TMCC1: variants seen among roughly 807,000 people sequenced by gnomAD.
TMCC1 encodes the protein transmembrane and coiled-coil domains protein 1.
Under a neutral mutation model 52.4 loss-of-function variants are expected in TMCC1, and 15 were observed. The observed-to-expected ratio is 0.29, with a 90% CI of 0.19 to 0.44. The LOEUF (loss-of-function observed/expected upper bound fraction) is 0.44. Ranked by LOEUF, TMCC1 falls within the 20% of genes least tolerant of loss-of-function variation. TMCC1 has a pLI of 1.00. For missense variants in TMCC1, 503 were observed against 806.0 expected (o/e 0.62, Z 4.55); for synonymous variants, 279 against 301.9 (o/e 0.92, Z 0.79).
At chr3:129,763,638 C>G (rs2053841235) in intron 4 of TMCC1, among the ~76,000 whole-genome samples, 1 of 150,116 alleles carries the variant, frequency 6.7e-6, no homozygotes. Flanking sequence ...TTAATAAAAG[C>G]CAGATACTGT....
At chr3:129,772,812 A>G (rs1205545787) in intron 4 of TMCC1, among the ~76,000 whole-genome samples, 1 of 152,140 alleles carries the variant, frequency 6.6e-6, no homozygotes, top group Non-Finnish European at 1.5e-5. Flanking sequence ...GCTCACAATA[A>G]GAGAGATATA....
chr3:129,858,313 AG>A (rs1316241450), intron 2 of TMCC1, among the ~76,000 whole-genome samples: 2 of 152,248 alleles, frequency 1.3e-5, no homozygotes, highest in African/African-American at 4.8e-5. Flanking sequence ...CGAAAAAATT[AG>A]AATCAGTCAC....
chr3:129,827,619 A>G, intron 4 of TMCC1, 184 bp downstream of exon 4: 1 of 653,378 alleles, frequency 1.5e-6, no homozygotes, highest in Non-Finnish European at 2.6e-6. Context: ...AAATAGGAAT[A>G]TAATTCTAAG....
chr3:129,661,819 A>T (rs58045532), intron 5 of TMCC1, among the ~76,000 whole-genome samples: 12,954 of 152,220 alleles, frequency 0.085, 693 homozygotes, highest in East Asian at 0.18. Context: ...AGACAAAAAA[A>T]TTCTGTATTG....
intron 5 of TMCC1, among the ~76,000 whole-genome samples, chr3:129,658,591 TG>T (rs2086820621): frequency 6.6e-6 from 1 of 152,232 alleles, no homozygotes; most frequent in African/African-American, 2.4e-5. Flanking sequence ...TGGCCTTTTT[TG>T]TTCAGACCCA....
intron 2 of TMCC1, among the ~76,000 whole-genome samples, chr3:129,846,105 G>A (rs2059653998): frequency 1.3e-5 from 2 of 150,594 alleles, no homozygotes; most frequent in Admixed American, 6.6e-5. Context: ...AAAAAAAAAA[G>A]GTCAGTGTCT....
intron 4 of TMCC1, among the ~76,000 whole-genome samples, chr3:129,785,129 A>G (rs1255271629): frequency 1.3e-5 from 2 of 152,224 alleles, no homozygotes; most frequent in African/African-American, 4.8e-5. Context: ...AACTGTATTT[A>G]GATAACACCC....
At chr3:129,881,675 T>C (rs2061467568) in intron 1 of TMCC1, among the ~76,000 whole-genome samples, 1 of 152,230 alleles carries the variant, frequency 6.6e-6, no homozygotes, top group Admixed American at 6.5e-5. Flanking sequence ...TGATACCTGC[T>C]ACATCACTGC....
intron 4 of TMCC1, among the ~76,000 whole-genome samples, chr3:129,691,373 A>G (rs2047018707): frequency 6.6e-6 from 1 of 152,122 alleles, no homozygotes; most frequent in African/African-American, 2.4e-5. Context: ...ATGAAAGGGA[A>G]CAGCTCTTTG....
At chr3:129,859,261 T>A (rs2060274960) in intron 2 of TMCC1, among the ~76,000 whole-genome samples, 1 of 152,236 alleles carries the variant, frequency 6.6e-6, no homozygotes, top group Non-Finnish European at 1.5e-5. Context: ...AGGTTTTTAT[T>A]GCTTAAACTT....
intron 4 of TMCC1, among the ~76,000 whole-genome samples, chr3:129,797,341 A>C (rs567800907): frequency 1.5e-4 from 22 of 150,646 alleles, no homozygotes; most frequent in South Asian, 2.1e-4. Flanking sequence ...AAAAAAAAAA[A>C]CACGTATTTC....
At chr3:129,792,575 C>CG (rs2056552918) in intron 4 of TMCC1, among the ~76,000 whole-genome samples, 1 of 152,140 alleles carries the variant, frequency 6.6e-6, no homozygotes, top group South Asian at 2.1e-4. Flanking sequence ...GATCCATTTG[C>CG]TGAGTTTGTT....
intron 4 of TMCC1, among the ~76,000 whole-genome samples, chr3:129,755,143 T>C (rs1045545340): frequency 6.6e-6 from 1 of 151,290 alleles, no homozygotes; most frequent in Non-Finnish European, 1.5e-5. Flanking sequence ...AAACATATGA[T>C]AAAGAAAAAA....
At chr3:129,826,399 C>G (rs1275994628) in intron 4 of TMCC1, among the ~76,000 whole-genome samples, 2 of 151,214 alleles carry the variant, frequency 1.3e-5, no homozygotes, top group Non-Finnish European at 2.9e-5. Context: ...ACCAGCTACT[C>G]AGGAGGCTGA....
chr3:129,754,883 G>A (rs1235651736), intron 4 of TMCC1, among the ~76,000 whole-genome samples: 1 of 152,116 alleles, frequency 6.6e-6, no homozygotes, highest in Non-Finnish European at 1.5e-5. Context: ...TTTGAGACCA[G>A]CCTGGCCAAC....
chr3:129,882,826 T>G (rs1187022453), intron 1 of TMCC1, among the ~76,000 whole-genome samples: 1 of 152,124 alleles, frequency 6.6e-6, no homozygotes, highest in Non-Finnish European at 1.5e-5. Flanking sequence ...GGTAGTCAAA[T>G]TCAAAGACAG....
chr3:129,847,762 A>C (rs2059732153), intron 2 of TMCC1: 1 of 152,202 alleles, frequency 6.6e-6, no homozygotes, highest in Non-Finnish European at 1.5e-5. Context: ...TGTCTTCCAA[A>C]GTAGTTGATC....
At chr3:129,809,917 T>C (rs1280158162) in intron 4 of TMCC1, among the ~76,000 whole-genome samples, 1 of 152,228 alleles carries the variant, frequency 6.6e-6, no homozygotes, top group Non-Finnish European at 1.5e-5. Flanking sequence ...TATTTAGTTT[T>C]ACTGATTTTA....
chr3:129,871,980 G>A (rs1459107520), intron 2 of TMCC1, among the ~76,000 whole-genome samples: 1 of 152,200 alleles, frequency 6.6e-6, no homozygotes, highest in Non-Finnish European at 1.5e-5. Flanking sequence ...AGATAATGGA[G>A]AAACAAGCAC....
Sources: allele counts gnomAD v4.1 joint callset (sites outside exome capture counted in the v4.1 genomes callset), GRCh38; gene constraint gnomAD v4.1.1; transcripts MANE v1.5; gene names NCBI Gene and HGNC (gene_info 2026-07-23, HGNC 2026-07-21).